The following TEX9 variants were observed in gnomAD, a reference collection of about 807,000 sequenced individuals.
The protein encoded by TEX9 is testis expressed 9.
A neutral mutation model predicts 59.6 loss-of-function variants in TEX9; 74 were observed. The observed-to-expected ratio is 1.24, with a 90% CI of 1.03 to 1.51. The LOEUF (loss-of-function observed/expected upper bound fraction) is 1.51. Ranked by LOEUF, TEX9 falls within the 40% of genes most tolerant of loss-of-function variation. The pLI, the probability that TEX9 is intolerant of heterozygous loss-of-function variation, is 0.00. For missense variants in TEX9, 522 were observed against 447.8 expected, an observed-to-expected ratio of 1.17 and a Z score of -1.49; for synonymous variants, 186 against 152.2, an observed-to-expected ratio of 1.22 and a Z score of -1.64.
At chr15:56,285,853 G>A (rs759393500) in intron 1 of TEX9, among the ~76,000 whole-genome samples, 22 of 152,114 alleles carry the variant, frequency 1.4e-4, no homozygotes, top group Non-Finnish European at 2.8e-4. Context: ...TAAATGACAA[G>A]GTAGTACGTG....
At chr15:56,331,890 C>T (rs1330517555) in intron 1 of TEX9, among the ~76,000 whole-genome samples, 1 of 142,472 alleles carries the variant, frequency 7.0e-6, no homozygotes, top group Non-Finnish European at 1.5e-5. Flanking sequence ...CACTGGCCAT[C>T]AGAGAAATGC....
At chr15:56,392,905 G>T (rs1250670425) in intron 7 of TEX9, among the ~76,000 whole-genome samples, 1 of 152,094 alleles carries the variant, frequency 6.6e-6, no homozygotes, top group Admixed American at 6.6e-5. Context: ...ACTGGCCTAG[G>T]TGTCTTCTCT....
At position 56,358,037 on chromosome 15, in the gene TEX9, A is replaced by C. The variant is rs568493892; in HGVS notation, c.-106-15404A>C. 1.4e-3 allele frequency among the ~76,000 whole-genome samples: 217 copies of C among 152,206 alleles called. 2 individuals carry two copies. Among genetic ancestry groups the C allele is most frequent in the African/African-American group, 4.8e-3 (200 of 41,530 alleles). On this transcript the variant is annotated intron_variant, in intron 1 of 5. Transcript: ENST00000560827. ...TTAACTAGAAATTTTTTCTTGAAAA[A>C]GATTTGTGTTTGAATCTGCTAGGAC...
At chr15:56,438,000 T>C (rs2050757512) in intron 12 of TEX9, among the ~76,000 whole-genome samples, 1 of 152,164 alleles carries the variant, frequency 6.6e-6, no homozygotes, top group East Asian at 1.9e-4. Flanking sequence ...TCCATGCTCA[T>C]GGATAGGAAG....
At chr15:56,320,793 T>G (rs566591127) in intron 1 of TEX9, among the ~76,000 whole-genome samples, 1 of 152,344 alleles carries the variant, frequency 6.6e-6, no homozygotes, top group African/African-American at 2.4e-5. Flanking sequence ...AGCATTGTCC[T>G]GGCAAACCTG....
chr15:56,386,592 T>C (rs1367814511), intron 4 of TEX9, among the ~76,000 whole-genome samples: 3 of 152,044 alleles, frequency 2.0e-5, no homozygotes, highest in African/African-American at 7.2e-5. Context: ...TTTTATATTT[T>C]GATAGACATA....
rs914158870 is a variant in TEX9 at position 56,256,474 on chromosome 15, G to A, written c.-107+12196G>A. The stretch of plus-strand genomic sequence containing the variant: ...AAAAGATTGGCTAGAAATAAATCAT[G>A]TATAAAGCTTAAAAAGCTAGTGAAA... On this transcript the variant is annotated intron_variant, in intron 1 of 5. Transcript: ENST00000560827. Among the ~76,000 whole-genome samples the A allele has an allele frequency of 1.1e-4, 17 of 152,084 alleles. No homozygotes were observed. The South Asian group carries it at 2.1e-3, about 19-fold the overall frequency.
chr15:56,346,378 G>A (rs1454219062), intron 1 of TEX9, among the ~76,000 whole-genome samples: 1 of 152,140 alleles, frequency 6.6e-6, no homozygotes, highest in Admixed American at 6.5e-5. Flanking sequence ...CTCTTACTAG[G>A]GATGGGCTGA....
chr15:56,343,451 A>T (rs1370291034), intron 1 of TEX9, among the ~76,000 whole-genome samples: 1 of 152,122 alleles, frequency 6.6e-6, no homozygotes, highest in Non-Finnish European at 1.5e-5. Flanking sequence ...AACAGGCTAA[A>T]AGTTGGTATT....
upstream of TEX9, among the ~76,000 whole-genome samples, chr15:56,361,639 A>G (rs1237880040): frequency 6.6e-6 from 1 of 152,172 alleles, no homozygotes; most frequent in Non-Finnish European, 1.5e-5. Flanking sequence ...CCTAACCCCC[A>G]GTACCTGTGA....
intron 1 of TEX9, among the ~76,000 whole-genome samples, chr15:56,288,655 G>T (rs1259178217): frequency 6.6e-6 from 1 of 151,890 alleles, no homozygotes; most frequent in Non-Finnish European, 1.5e-5. Context: ...TTCTCTTGCT[G>T]CTTTCAGGAT....
At chr15:56,362,139 A>G (rs2046801917), upstream of TEX9, among the ~76,000 whole-genome samples, 1 of 152,202 alleles carries the variant, frequency 6.6e-6, no homozygotes, top group African/African-American at 2.4e-5. Flanking sequence ...CTGTTATTGA[A>G]ATGAGTATTC....
At chr15:56,453,707 G>A in the TEX9 span, among the ~76,000 whole-genome samples, 1 of 152,110 alleles carries the variant, frequency 6.6e-6, no homozygotes, top group East Asian at 1.9e-4. Flanking sequence ...AAAATAAACA[G>A]TGAGTTTCCC....
In TEX9 at chr15:56,432,000, T is replaced by C. The variant is rs562186324; in HGVS notation, c.*29+3527T>C. 5.9e-5 allele frequency among the ~76,000 whole-genome samples: 9 copies of C among 152,252 alleles called. 1 individual carries two copies. The South Asian group carries it at 1.9e-3, about 32-fold the overall frequency. ...ATAATCACATCAAAATTCTGGGCCA[T>C]ATAGAAAAGATGACTTGAACTACGT... On this transcript the variant is annotated intron_variant, in intron 12 of 12. Transcript: ENST00000352903.
chr15:56,356,996 C>A (rs2046697508), intron 1 of TEX9, among the ~76,000 whole-genome samples: 1 of 152,048 alleles, frequency 6.6e-6, no homozygotes, highest in South Asian at 2.1e-4. Context: ...TCGGTCTAAT[C>A]AAAAGAGATA....
intron 3 of TEX9, chr15:56,374,335 ACCC>A (rs1221467474): frequency 1.3e-5 from 2 of 152,054 alleles, no homozygotes; most frequent in African/African-American, 2.4e-5. Flanking sequence ...ATGGATTCCT[ACCC>A]CTGCAGAAGC....
At chr15:56,420,342 C>T (rs2049919607) in intron 10 of TEX9, among the ~76,000 whole-genome samples, 1 of 150,596 alleles carries the variant, frequency 6.6e-6, no homozygotes, top group African/African-American at 2.5e-5. Flanking sequence ...GAGTCTTGCT[C>T]TGTTGCCCAG....
At chr15:56,325,857 TA>T in intron 1 of TEX9, among the ~76,000 whole-genome samples, 1 of 152,290 alleles carries the variant, frequency 6.6e-6, no homozygotes, top group East Asian at 1.9e-4. Context: ...TCCAGAATCT[TA>T]AGTCTCTTCC....
chr15:56,283,049 G>GGGGTGTGTGTGTGTGT (rs140785812), intron 1 of TEX9, among the ~76,000 whole-genome samples: 5 of 148,444 alleles, frequency 3.4e-5, no homozygotes, highest in African/African-American at 1.2e-4. Flanking sequence ...TACATTGTGT[G>GGGGTGTGTGTGTGTGT]GTGTGTGTGT....
Sources: gnomAD v4.1 joint callset for allele counts (sites outside exome capture counted in the v4.1 genomes callset) on GRCh38, gnomAD v4.1.1 for gene constraint, MANE v1.5 for transcripts, NCBI Gene and HGNC (gene_info 2026-07-23, HGNC 2026-07-21) for gene names.